LAMA2: variants seen among roughly 807,000 people sequenced by gnomAD.
LAMA2 encodes the protein laminin subunit alpha 2.
Under a neutral mutation model 364.8 loss-of-function variants are expected in LAMA2, and 269 were observed. The observed-to-expected ratio is 0.74, with a 90% CI of 0.67 to 0.82. The LOEUF is 0.82. LAMA2 is among the 40% of genes least tolerant of loss of function. The pLI is 0.00. For missense variants in LAMA2, 3,807 were observed against 3,873.2 expected (o/e 0.98, Z 0.45); for synonymous variants, 1,379 against 1,370.6 (o/e 1.01, Z -0.14).
chr6:129,094,754 T>A (rs147441381), intron 3 of LAMA2, among the ~76,000 whole-genome samples: 1 of 152,196 alleles, frequency 6.6e-6, no homozygotes, highest in East Asian at 1.9e-4. Context: ...TTTACCTAGA[T>A]TCTCTCTTTC....
chr6:129,190,127 A>G, intron 10 of LAMA2, 78 bp from the exon 11 acceptor site: 1 of 1,385,398 alleles, frequency 7.2e-7, no homozygotes, highest in East Asian at 2.3e-5. Flanking sequence ...TACAGTTAAT[A>G]TTTTCCTTAT....
chr6:128,988,390 G>A (rs1245601460), intron 1 of LAMA2, among the ~76,000 whole-genome samples: 1 of 152,032 alleles, frequency 6.6e-6, no homozygotes, highest in African/African-American at 2.4e-5. Context: ...TCTATCAAAT[G>A]TACTTTTAGG....
At chr6:129,209,490 C>T (rs1334801314) in intron 12 of LAMA2, among the ~76,000 whole-genome samples, 1 of 152,134 alleles carries the variant, frequency 6.6e-6, no homozygotes, top group African/African-American at 2.4e-5. Context: ...GAATGAAACT[C>T]GTGACAGCTT....
In LAMA2 at chr6:129,394,253, C is replaced by T. The variant is rs566016445; in HGVS notation, c.5445+998C>T. On this transcript the variant is annotated intron_variant, in intron 37 of 64. Transcript: ENST00000421865. ...GTCAGAAAACAGCAGCAGACCTATA[C>T]ATCTTCTAACACATAATTTCACCGT... 2.4e-3 allele frequency among the ~76,000 whole-genome samples: 361 copies of T among 152,296 alleles called. 1 individual carries two copies. Among genetic ancestry groups the T allele is most frequent in the Non-Finnish European group, 3.2e-3 (216 of 68,024 alleles).
Position 129,253,240 on chromosome 6 carries a change from A to G in LAMA2, c.2096+945A>G, listed in dbSNP as rs116738052. The stretch of plus-strand genomic sequence containing the variant: ...AATAAATAACACAAGGTGTCATAGG[A>G]ACTTCCTTCTAAATCAGGTTAAGTT... On this transcript the variant is annotated intron_variant, in intron 14 of 64. Transcript: ENST00000421865. 3.3e-3 allele frequency among the ~76,000 whole-genome samples: 498 copies of G among 152,278 alleles called. 3 individuals carry two copies. Among genetic ancestry groups the G allele is most frequent in the African/African-American group, 0.012 (483 of 41,534 alleles).
chr6:129,187,607 A>G (rs1169555092), intron 10 of LAMA2, among the ~76,000 whole-genome samples: 1 of 151,824 alleles, frequency 6.6e-6, no homozygotes, highest in Non-Finnish European at 1.5e-5. Flanking sequence ...TCAAGTACCA[A>G]GTGAAGTTCT....
At chr6:128,946,062 C>T (rs1471141670) in intron 1 of LAMA2, among the ~76,000 whole-genome samples, 1 of 152,114 alleles carries the variant, frequency 6.6e-6, no homozygotes, top group African/African-American at 2.4e-5. Context: ...AAGCTGAGAG[C>T]AGCACTGGAT....
intron 1 of LAMA2, chr6:128,928,980 A>G (rs1422995513): frequency 8.7e-7 from 1 of 1,150,750 alleles, no homozygotes; most frequent in Non-Finnish European, 1.3e-6. Context: ...TACTCATTCC[A>G]GCTCAGAAGG....
chr6:129,377,616 C>T (rs943298392), intron 34 of LAMA2, among the ~76,000 whole-genome samples: 1 of 152,024 alleles, frequency 6.6e-6, no homozygotes, highest in Non-Finnish European at 1.5e-5. Context: ...GGAAGATGAC[C>T]CTTGAGAGTA....
rs1019380825 is a variant in LAMA2, at chr6:129,250,041, A to G, written c.1783-71A>G. Reference sequence around the variant, plus strand: ...CTATAGAACAATAAAATTCGTATACAACAGTAAGTAAAATATGATTTAATA... The same window carrying G: ...CTATAGAACAATAAAATTCGTATACGACAGTAAGTAAAATATGATTTAATA... On this transcript the variant is annotated intron_variant, in intron 12 of 64. Coordinates refer to ENST00000421865, the MANE Select transcript of LAMA2 (RefSeq NM_000426.4). 1.3e-5 allele frequency: 12 copies of G among 938,200 alleles called. No homozygotes were observed. The African/African-American group carries it at 1.5e-4, about 11-fold the overall frequency. 58.1% of individuals were successfully genotyped at this position (938,200 alleles called of 1,614,324 possible). A position where few individuals can be genotyped will look rare whatever the true frequency, so the allele number is the denominator to read the frequency against.
chr6:129,156,422 C>T (rs1262615471), intron 8 of LAMA2, among the ~76,000 whole-genome samples: 1 of 151,354 alleles, frequency 6.6e-6, no homozygotes, highest in Admixed American at 6.6e-5. Flanking sequence ...TTTTGCTTTG[C>T]ATGACTGTAA....
intron 38 of LAMA2, among the ~76,000 whole-genome samples, chr6:129,401,731 T>C (rs924414653): frequency 2.6e-5 from 4 of 152,248 alleles, no homozygotes; most frequent in South Asian, 4.1e-4. Context: ...TATGTGGTCA[T>C]AGAAATGCAA....
At chr6:129,250,242 G>A in intron 13 of LAMA2, 29 bp downstream of exon 13, 1 of 1,309,314 alleles carries the variant, frequency 7.6e-7, no homozygotes, top group African/African-American at 1.5e-5. Context: ...GTTCACCCGT[G>A]TTACTTCCTG....
At chr6:129,189,308 T>C (rs1397766741) in intron 10 of LAMA2, among the ~76,000 whole-genome samples, 1 of 152,080 alleles carries the variant, frequency 6.6e-6, no homozygotes, top group Non-Finnish European at 1.5e-5. Context: ...AAAATGCGTA[T>C]GTAGGGAATA....
intron 53 of LAMA2, among the ~76,000 whole-genome samples, chr6:129,476,752 A>T (rs536820183): frequency 6.6e-6 from 1 of 152,350 alleles, no homozygotes; most frequent in Non-Finnish European, 1.5e-5. Flanking sequence ...TTATGCAAGA[A>T]AAATATAAGC....
intron 3 of LAMA2, among the ~76,000 whole-genome samples, chr6:129,090,068 T>C (rs916134102): frequency 2.6e-5 from 4 of 152,214 alleles, no homozygotes; most frequent in African/African-American, 7.2e-5. Context: ...CCAGTAGTAG[T>C]AATATTATTA....
intron 37 of LAMA2, among the ~76,000 whole-genome samples, chr6:129,400,760 A>G (rs549052571): frequency 9.2e-5 from 14 of 152,204 alleles, no homozygotes; most frequent in Non-Finnish European, 1.6e-4. Flanking sequence ...TTTCTTAAAA[A>G]GTATTTTCCC....
chr6:128,947,899 G>C (rs948831215), intron 1 of LAMA2, among the ~76,000 whole-genome samples: 1 of 152,098 alleles, frequency 6.6e-6, no homozygotes, highest in African/African-American at 2.4e-5. Flanking sequence ...ACGATAAATA[G>C]CTCAGCAAGG....
chr6:129,123,377 A>G (rs1179277336), intron 4 of LAMA2, among the ~76,000 whole-genome samples: 1 of 151,702 alleles, frequency 6.6e-6, no homozygotes, highest in East Asian at 1.9e-4. Context: ...TGAGATATAT[A>G]TATATATATA....
Sources: allele counts gnomAD v4.1 joint callset (sites outside exome capture counted in the v4.1 genomes callset), GRCh38; gene constraint gnomAD v4.1.1; transcripts MANE v1.5; gene names NCBI Gene and HGNC (gene_info 2026-07-23, HGNC 2026-07-21).